ADCY10: variants seen among roughly 807,000 people sequenced by gnomAD.
The protein encoded by ADCY10 is adenylate cyclase 10, also known as adenylate cyclase type 10.
In ADCY10, 156 loss-of-function variants were observed where a neutral mutation model predicts 183.3. The observed-to-expected ratio is 0.85, with a 90% CI of 0.75 to 0.97. The LOEUF is 0.97. Ranked by LOEUF, ADCY10 falls within the 50% of genes least tolerant of loss-of-function variation. ADCY10 has a pLI of 0.00. For missense variants in ADCY10, 1,745 were observed against 1,934.3 expected (o/e 0.90, Z 1.84); for synonymous variants, 645 against 670.0 (o/e 0.96, Z 0.58).
intron 26 of ADCY10, among the ~76,000 whole-genome samples, chr1:167,826,051 G>A (rs1347825385): frequency 6.6e-6 from 1 of 152,128 alleles, no homozygotes; most frequent in African/African-American, 2.4e-5. Context: ...TTAGAGTAGA[G>A]GCTTTTTTCT....
intron 3 of ADCY10, 75 bp downstream of exon 3, chr1:167,903,812 A>G: frequency 1.9e-6 from 2 of 1,054,278 alleles, no homozygotes; most frequent in Admixed American, 1.7e-5. Flanking sequence ...GTACTCTATC[A>G]GGTTATAATT....
In ADCY10 at chr1:167,848,240, G is replaced by A. The variant is rs538551165; in HGVS notation, c.2437+121C>T. The stretch of plus-strand genomic sequence containing the variant: ...ATTTTTTTGTATTTTTAGTAGATAC[G>A]GGGTTTCACCATATTGGCCAGGCTG... On this transcript the variant is annotated intron_variant, in intron 19 of 32. Coordinates refer to ENST00000367851, the MANE Select transcript of ADCY10 (RefSeq NM_018417.6). The A allele has an allele frequency of 3.5e-4, 255 of 735,992 alleles. 3 individuals are homozygous for A. The highest frequency in any genetic ancestry group is 2.3e-3 in the Middle Eastern group (6 of 2,608). The allele number at this position is 735,992 out of a possible 1,614,324, so 45.6% of individuals were successfully genotyped here. A position where few individuals can be genotyped will look rare whatever the true frequency, so the allele number is the denominator to read the frequency against.
rs528939296 is a variant in ADCY10 at position 167,886,420 on chromosome 1, C to T, written c.829-2792G>A. Among the ~76,000 whole-genome samples, 66 of 152,238 alleles carry T rather than the reference C, an allele frequency of 4.3e-4. 1 individual carries two copies. In the South Asian group the frequency reaches 0.012, roughly 27 times the overall value. On this transcript the variant is annotated intron_variant, in intron 8 of 32. Transcript: ENST00000367851. Reference sequence around the variant, plus strand: ...ACATCTACAACCATCTGATCTTTGACAAACCTGAAAAAGACAAGAAATAGG... The same window carrying T: ...ACATCTACAACCATCTGATCTTTGATAAACCTGAAAAAGACAAGAAATAGG...
At chr1:167,906,332 G>A (rs1669811826) in intron 1 of ADCY10, among the ~76,000 whole-genome samples, 1 of 150,038 alleles carries the variant, frequency 6.7e-6, no homozygotes. Flanking sequence ...ATGTTAAGAA[G>A]TGAACAAAAG....
In ADCY10 at chr1:167,809,662, T is replaced by C. The variant is rs1288607230; in HGVS notation, c.*16A>G. 6.2e-7 allele frequency: 1 copy of C among 1,613,862 alleles called. No individual in the cohort carries two copies. Among genetic ancestry groups the C allele is most frequent in the Non-Finnish European group, 8.5e-7 (1 of 1,179,734 alleles). Reference sequence around the variant, plus strand: ...CAAGGACATAGTGCTTATTAAAATCTTTTTTCTTTGACATGTTAGAAATGA... The same window carrying C: ...CAAGGACATAGTGCTTATTAAAATCCTTTTTCTTTGACATGTTAGAAATGA... On this transcript the variant is annotated 3_prime_UTR_variant, in exon 33 of 33. Coordinates refer to ENST00000367851, the MANE Select transcript of ADCY10 (RefSeq NM_018417.6).
At chr1:167,904,945 C>T (rs773905763) in intron 2 of ADCY10, 48 bp downstream of exon 2, 10 of 1,613,622 alleles carry the variant, frequency 6.2e-6, no homozygotes, top group Middle Eastern at 1.6e-4. Context: ...AATTCCCACG[C>T]GAGCCTGTTG....
At chr1:167,818,643 T>G (rs1402496884) in intron 30 of ADCY10, among the ~76,000 whole-genome samples, 1 of 152,186 alleles carries the variant, frequency 6.6e-6, no homozygotes, top group Non-Finnish European at 1.5e-5. Context: ...GTTCAAGTGA[T>G]TCTCCTGCCT....
In ADCY10 at chr1:167,819,051, G is replaced by T. The variant is rs1476209653; in HGVS notation, c.4287-784C>A. ...AGGTCTACTGAATCAGACAGGCTCT[G>T]GGGGTGTGGCATCTCTGAGTTAACA... On this transcript the variant is annotated intron_variant, in intron 30 of 32. Coordinates refer to ENST00000367851, the MANE Select transcript of ADCY10 (RefSeq NM_018417.6). 2.6e-5 allele frequency among the ~76,000 whole-genome samples: 4 copies of T among 152,044 alleles called. No homozygotes were observed. The East Asian group carries it at 5.8e-4, about 22-fold the overall frequency.
chr1:167,851,557 T>C (rs528239817), intron 18 of ADCY10, among the ~76,000 whole-genome samples: 3 of 152,322 alleles, frequency 2.0e-5, no homozygotes, highest in Non-Finnish European at 4.4e-5. Context: ...GCACAGTGGC[T>C]CACGCCTGTA....
chr1:167,879,671 C>A (rs1667739211), intron 11 of ADCY10, among the ~76,000 whole-genome samples: 1 of 151,924 alleles, frequency 6.6e-6, no homozygotes, highest in Non-Finnish European at 1.5e-5. Flanking sequence ...AATCTTAAAC[C>A]CTGATAGGAT....
intron 2 of ADCY10, 38 bp from the exon 3 acceptor site, chr1:167,904,029 G>A (rs1669637640): frequency 2.1e-6 from 3 of 1,453,342 alleles, no homozygotes; most frequent in East Asian, 4.5e-5. Context: ...TGGCTGCTTG[G>A]GGGAATCAAA....
At chr1:167,814,353 A>G (rs1038497561) in intron 31 of ADCY10, among the ~76,000 whole-genome samples, 1 of 151,950 alleles carries the variant, frequency 6.6e-6, no homozygotes, top group African/African-American at 2.4e-5. Flanking sequence ...TTTAAATCAG[A>G]AAGAAACTTA....
chr1:167,900,232 CTG>C (rs1335592318), intron 5 of ADCY10, among the ~76,000 whole-genome samples: 1 of 152,198 alleles, frequency 6.6e-6, no homozygotes, highest in East Asian at 1.9e-4. Context: ...TTTCAAATGA[CTG>C]TAATACAATC....
At chr1:167,810,698 C>T (rs200367378) in intron 32 of ADCY10, 27 bp downstream of exon 32, 5 of 1,613,232 alleles carry the variant, frequency 3.1e-6, no homozygotes, top group Non-Finnish European at 4.2e-6. Context: ...GCATCGCCAC[C>T]CCGGTTTGCT....
chr1:167,810,949 T>C, intron 31 of ADCY10, 36 bp from the exon 32 acceptor site: 1 of 1,585,720 alleles, frequency 6.3e-7, no homozygotes, highest in Non-Finnish European at 8.7e-7. Context: ...ATATTAGAAT[T>C]AAACAGGGGT....
At chr1:167,877,444 T>C (rs2102219337) in intron 12 of ADCY10, among the ~76,000 whole-genome samples, 1 of 152,110 alleles carries the variant, frequency 6.6e-6, no homozygotes, top group Non-Finnish European at 1.5e-5. Context: ...GCCCTGGTTC[T>C]GTTATCTGAC....
intron 31 of ADCY10, among the ~76,000 whole-genome samples, chr1:167,816,184 A>G (rs1662518132): frequency 2.0e-5 from 3 of 152,178 alleles, no homozygotes; most frequent in Non-Finnish European, 4.4e-5. Context: ...GCAGAACACC[A>G]TGTAGGATAT....
At chr1:167,897,302 A>G (rs1279772447) in intron 6 of ADCY10, among the ~76,000 whole-genome samples, 3 of 150,462 alleles carry the variant, frequency 2.0e-5, no homozygotes, top group African/African-American at 7.4e-5. Context: ...CCTGGGTAAC[A>G]ATGGTGAAAT....
At chr1:167,829,132 C>A (rs1018831716) in intron 26 of ADCY10, 135 bp downstream of exon 26, 26 of 1,010,810 alleles carry the variant, frequency 2.6e-5, no homozygotes, top group Non-Finnish European at 3.8e-5. Flanking sequence ...AACTGCTGGC[C>A]TTGTCAAAAC....
Sources: allele counts gnomAD v4.1 joint callset (sites outside exome capture counted in the v4.1 genomes callset), GRCh38; gene constraint gnomAD v4.1.1; transcripts MANE v1.5; gene names NCBI Gene and HGNC (gene_info 2026-07-23, HGNC 2026-07-21).